TMEM117: variants seen among roughly 807,000 people sequenced by gnomAD.
TMEM117 encodes the protein transmembrane protein 117.
Under a neutral mutation model 52.4 loss-of-function variants are expected in TMEM117, and 27 were observed. That is an observed-to-expected ratio of 0.51 (90% CI 0.38 to 0.71). TMEM117 has a LOEUF of 0.71. Ranked by LOEUF, TMEM117 falls within the 30% of genes least tolerant of loss-of-function variation. The pLI is 0.00. For synonymous variants in TMEM117, 215 were observed against 206.3 expected (o/e 1.04, Z -0.36); for missense variants, 556 against 630.5 (o/e 0.88, Z 1.26).
At chr12:44,326,553 A>G (rs762224942) in intron 6 of TMEM117, among the ~76,000 whole-genome samples, 2 of 152,222 alleles carry the variant, frequency 1.3e-5, no homozygotes, top group Non-Finnish European at 2.9e-5. Context: ...AAAGACTGTC[A>G]TATGGAAAAG....
chr12:43,853,478 G>A (rs1731451), intron 2 of TMEM117, among the ~76,000 whole-genome samples: 150,249 of 152,286 alleles, frequency 0.99, 74,162 homozygotes, highest in East Asian at 1. Flanking sequence ...GTATCACCAC[G>A]TTGGCCAGGA....
intron 2 of TMEM117, among the ~76,000 whole-genome samples, chr12:43,858,117 G>A (rs1302390574): frequency 2.0e-5 from 3 of 152,188 alleles, no homozygotes; most frequent in Admixed American, 6.5e-5. Context: ...GGTCCAAGCA[G>A]TCCTATTGTT....
At chr12:43,802,566 C>T in the TMEM117 span, 4 of 837,004 alleles carry the variant, frequency 4.8e-6, no homozygotes, top group Non-Finnish European at 5.7e-6. Context: ...TTCCCAGTTA[C>T]TATTATTCAC....
chr12:44,068,628 G>C (rs1037194477), intron 3 of TMEM117, among the ~76,000 whole-genome samples: 1 of 152,164 alleles, frequency 6.6e-6, no homozygotes, highest in Non-Finnish European at 1.5e-5. Context: ...TCTTAAATAG[G>C]TGTGGTTTGT....
chr12:44,198,496 A>C (rs1011269400), intron 4 of TMEM117, among the ~76,000 whole-genome samples: 1 of 152,168 alleles, frequency 6.6e-6, no homozygotes, highest in Non-Finnish European at 1.5e-5. Context: ...TTTACCTGTC[A>C]TGATGATGTT....
chr12:43,849,072 A>G (rs1943261334), intron 2 of TMEM117, among the ~76,000 whole-genome samples: 1 of 152,224 alleles, frequency 6.6e-6, no homozygotes, highest in East Asian at 1.9e-4. Context: ...TGGAGTGGAG[A>G]GATGGCTCAT....
At chr12:43,957,128 G>A (rs1232157986) in intron 3 of TMEM117, among the ~76,000 whole-genome samples, 2 of 152,064 alleles carry the variant, frequency 1.3e-5, no homozygotes, top group Non-Finnish European at 2.9e-5. Context: ...ACAGGGAGGG[G>A]AACAACAGAC....
At position 44,345,446 on chromosome 12, in the gene TMEM117, T is replaced by G. The variant is rs537248189; in HGVS notation, c.769-31149T>G. 2.0e-5 allele frequency among the ~76,000 whole-genome samples: 3 copies of G among 152,278 alleles called. No homozygotes were observed. The South Asian group carries it at 6.2e-4, about 32-fold the overall frequency. The stretch of plus-strand genomic sequence containing the variant: ...CCTTAGGTAGGTTACTTTACCTCTC[T>G]GAGATGAGTGCATATTTTCTCATTT... On this transcript the variant is annotated intron_variant, in intron 6 of 7. Transcript: ENST00000266534.
chr12:43,864,809 G>A (rs2137407757), intron 2 of TMEM117, among the ~76,000 whole-genome samples: 1 of 152,276 alleles, frequency 6.6e-6, no homozygotes, highest in Non-Finnish European at 1.5e-5. Flanking sequence ...TCCACACTGT[G>A]GGAACTTTGT....
chr12:44,343,197 C>A (rs959642734), intron 6 of TMEM117, among the ~76,000 whole-genome samples: 1 of 151,972 alleles, frequency 6.6e-6, no homozygotes, highest in Admixed American at 6.6e-5. Context: ...AAGTGATCTG[C>A]CCACCTTGGC....
chr12:44,388,067 T>C lies in TMEM117; in HGVS notation c.940T>C (p.Leu314=). Residue 314 remains leucine, a synonymous_variant, in exon 8 of 8, where the codon TTG becomes CTG. Coordinates refer to ENST00000266534, the MANE Select transcript of TMEM117 (RefSeq NM_032256.3). ...TGGAATTATCTTCCTCGTCTTGATT[T>C]TGGATCTTAATATGTGGAAGAACCA... ...NYGIIFLVLI[L]DLNMWKNQIF... 4 of 1,612,224 alleles carry C rather than the reference T, an allele frequency of 2.5e-6. No homozygotes were observed. Among genetic ancestry groups the C allele is most frequent in the Non-Finnish European group, 3.4e-6 (4 of 1,179,142 alleles).
chr12:44,393,585 T>C (rs1226828307), downstream of TMEM117, among the ~76,000 whole-genome samples: 2 of 144,498 alleles, frequency 1.4e-5, no homozygotes, highest in African/African-American at 5.4e-5. Flanking sequence ...TTCAGTCTTG[T>C]CTGACTCCAG....
At chr12:44,199,598 C>A (rs1279177848) in intron 4 of TMEM117, among the ~76,000 whole-genome samples, 1 of 152,080 alleles carries the variant, frequency 6.6e-6, no homozygotes, top group Non-Finnish European at 1.5e-5. Flanking sequence ...AATTGACTTT[C>A]TTAGTTGCAC....
At chr12:44,370,927 T>C (rs1174280919) in intron 6 of TMEM117, among the ~76,000 whole-genome samples, 1 of 152,142 alleles carries the variant, frequency 6.6e-6, no homozygotes, top group East Asian at 1.9e-4. Flanking sequence ...CAGAAAGAAA[T>C]TCCTCTAAGC....
chr12:43,870,587 T>C (rs770721409), intron 2 of TMEM117, among the ~76,000 whole-genome samples: 1 of 151,930 alleles, frequency 6.6e-6, no homozygotes, highest in East Asian at 1.9e-4. Flanking sequence ...AATAGAACAA[T>C]TTATATTCTT....
At chr12:44,164,048 G>A (rs1948931834) in intron 4 of TMEM117, among the ~76,000 whole-genome samples, 2 of 152,102 alleles carry the variant, frequency 1.3e-5, no homozygotes, top group Non-Finnish European at 2.9e-5. Flanking sequence ...GCTAGGGTGG[G>A]ATTGGGATTG....
chr12:44,260,699 TA>T (rs1360529685), intron 5 of TMEM117, among the ~76,000 whole-genome samples: 1 of 152,170 alleles, frequency 6.6e-6, no homozygotes, highest in Non-Finnish European at 1.5e-5. Flanking sequence ...GAAAAACAAA[TA>T]TCTGTTTACG....
chr12:44,363,370 A>G (rs1951748117), intron 6 of TMEM117, among the ~76,000 whole-genome samples: 1 of 152,200 alleles, frequency 6.6e-6, no homozygotes, highest in Admixed American at 6.5e-5. Context: ...CAGTGCATCA[A>G]TTACAGTACC....
the TMEM117 span, among the ~76,000 whole-genome samples, chr12:43,811,461 A>C: frequency 6.6e-6 from 1 of 152,242 alleles, no homozygotes; most frequent in Non-Finnish European, 1.5e-5. Context: ...GCCTCCTTCT[A>C]GAATTATCTT....
Sources: gnomAD v4.1 joint callset for allele counts (sites outside exome capture counted in the v4.1 genomes callset) on GRCh38, gnomAD v4.1.1 for gene constraint, MANE v1.5 for transcripts, NCBI Gene and HGNC (gene_info 2026-07-23, HGNC 2026-07-21) for gene names.